USP12: variants seen among roughly 807,000 people sequenced by gnomAD.
USP12 encodes the protein ubiquitin specific peptidase 12, also known as ubiquitin carboxyl-terminal hydrolase 12.
Under a neutral mutation model 45.5 loss-of-function variants are expected in USP12, and 19 were observed. That is an observed-to-expected ratio of 0.42 (90% confidence interval 0.29 to 0.61). The LOEUF is 0.61. USP12 is among the 20% of genes least tolerant of loss of function. The pLI, the probability that USP12 is intolerant of heterozygous loss-of-function variation, is 0.22. For missense variants in USP12, 242 were observed against 447.7 expected, an observed-to-expected ratio of 0.54 and a Z score of 4.15; for synonymous variants, 149 against 148.8, an observed-to-expected ratio of 1.00 and a Z score of -0.01.
At chr13:27,086,185 A>ATATATATATATAT (rs1343835143) in intron 6 of USP12, among the ~76,000 whole-genome samples, 4 of 58,848 alleles carry the variant, frequency 6.8e-5, no homozygotes, top group Non-Finnish European at 1.1e-4. Flanking sequence ...AAAAAAAAAA[A>ATATATATATATAT]AAAAAAAAAA....
At chr13:27,070,853 T>C (rs764026298) in intron 8 of USP12, among the ~76,000 whole-genome samples, 12 of 152,186 alleles carry the variant, frequency 7.9e-5, no homozygotes, top group Non-Finnish European at 1.6e-4. Flanking sequence ...GCACCTGGCC[T>C]CCCTTGTTTT....
intron 1 of USP12, among the ~76,000 whole-genome samples, chr13:27,155,287 T>G (rs995641609): frequency 5.3e-5 from 8 of 151,900 alleles, no homozygotes; most frequent in African/African-American, 1.9e-4. Flanking sequence ...TTCACCATGT[T>G]GGCCAAGATG....
chr13:27,096,502 C>A (rs1198037441), intron 3 of USP12, among the ~76,000 whole-genome samples: 2 of 152,144 alleles, frequency 1.3e-5, no homozygotes, highest in Admixed American at 1.3e-4. Flanking sequence ...TAACATCAAG[C>A]GTGCTTTACC....
intron 3 of USP12, among the ~76,000 whole-genome samples, chr13:27,103,607 A>AAAAAAAAAAAATAAT (rs372985958): frequency 7.8e-6 from 1 of 128,508 alleles, no homozygotes; most frequent in African/African-American, 2.9e-5. Context: ...TCAAAAAAAA[A>AAAAAAAAAAAATAAT]AATAATAATA....
intron 1 of USP12, among the ~76,000 whole-genome samples, chr13:27,150,049 C>G (rs1156350593): frequency 4.6e-5 from 7 of 152,176 alleles, no homozygotes; most frequent in Admixed American, 4.6e-4. Flanking sequence ...CTATAATTAA[C>G]AACAATTTAT....
intron 3 of USP12, among the ~76,000 whole-genome samples, chr13:27,102,322 C>G (rs547809515): frequency 8.5e-5 from 13 of 152,320 alleles, no homozygotes; most frequent in African/African-American, 2.9e-4. Context: ...ACTCCATTTC[C>G]TACCTGGGTA....
intron 6 of USP12, among the ~76,000 whole-genome samples, chr13:27,078,951 T>G (rs1873620600): frequency 6.6e-6 from 1 of 151,400 alleles, no homozygotes; most frequent in South Asian, 2.1e-4. Context: ...AATAAAGAAG[T>G]CTCGATAAAT....
intron 1 of USP12, among the ~76,000 whole-genome samples, chr13:27,156,026 A>T (rs911765535): frequency 1.3e-5 from 2 of 152,226 alleles, no homozygotes; most frequent in Non-Finnish European, 2.9e-5. Flanking sequence ...CTAATGAAAC[A>T]CTGGATCTAG....
chr13:27,156,544 G>T (rs1172628199), intron 1 of USP12, among the ~76,000 whole-genome samples: 1 of 152,238 alleles, frequency 6.6e-6, no homozygotes, highest in Non-Finnish European at 1.5e-5. Context: ...GGCTGGGGGG[G>T]CAGTGGCTCA....
intron 1 of USP12, chr13:27,170,083 CCAAA>C (rs1223844826): frequency 1.6e-5 from 6 of 377,640 alleles, no homozygotes; most frequent in Non-Finnish European, 1.4e-5. Flanking sequence ...AATAATTAGC[CCAAA>C]CAATTCTCCA....
At chr13:27,132,656 C>G (rs1048438734) in intron 1 of USP12, among the ~76,000 whole-genome samples, 1 of 152,138 alleles carries the variant, frequency 6.6e-6, no homozygotes, top group Non-Finnish European at 1.5e-5. Flanking sequence ...CCTAAAAGAT[C>G]GTTGGTTTCA....
At chr13:27,089,816 AAGC>A in intron 6 of USP12, 64 bp downstream of exon 6, 2 of 1,496,222 alleles carry the variant, frequency 1.3e-6, no homozygotes, top group Non-Finnish European at 1.8e-6. Flanking sequence ...TTGTTTTTCT[AAGC>A]CCACCTCCAA....
intron 2 of USP12, among the ~76,000 whole-genome samples, chr13:27,115,306 T>C (rs1431876626): frequency 1.3e-5 from 2 of 152,136 alleles, no homozygotes; most frequent in Non-Finnish European, 2.9e-5. Context: ...AGAGGAGTAA[T>C]GAGTAGCCTG....
chr13:27,083,544 C>G (rs923130210), intron 6 of USP12, among the ~76,000 whole-genome samples: 37 of 152,286 alleles, frequency 2.4e-4, no homozygotes, highest in African/African-American at 8.2e-4. Flanking sequence ...CTCCTCTCAC[C>G]TATATGCTTT....
intron 7 of USP12, among the ~76,000 whole-genome samples, chr13:27,074,034 A>T (rs894983971): frequency 1.3e-5 from 2 of 152,316 alleles, no homozygotes; most frequent in African/African-American, 4.8e-5. Context: ...GACGGGACCC[A>T]AGGCTGACCC....
chr13:27,075,437 T>C, intron 6 of USP12, 49 bp from the exon 7 acceptor site: 1 of 1,493,828 alleles, frequency 6.7e-7, no homozygotes, highest in Non-Finnish European at 9.1e-7. Context: ...ATATCCACCA[T>C]GTCCTTGAAT....
At chr13:27,098,972 GT>G (rs1363649590) in intron 3 of USP12, among the ~76,000 whole-genome samples, 4 of 152,174 alleles carry the variant, frequency 2.6e-5, no homozygotes, top group Non-Finnish European at 5.9e-5. Context: ...AGTGGCTCAT[GT>G]CTGTAATCCC....
chr13:27,080,193 G>A (rs1327325447), intron 6 of USP12, among the ~76,000 whole-genome samples: 1 of 152,176 alleles, frequency 6.6e-6, no homozygotes, highest in Non-Finnish European at 1.5e-5. Context: ...ACAGATGGAA[G>A]GACCCACCCA....
intron 2 of USP12, among the ~76,000 whole-genome samples, chr13:27,109,912 C>CAGAAAAAAAAA (rs1875343384): frequency 9.2e-6 from 1 of 108,374 alleles, no homozygotes; most frequent in Non-Finnish European, 1.8e-5. Context: ...ACTCTGTCTC[C>CAGAAAAAAAAA]AAAAAAAAAA....
Sources: allele counts gnomAD v4.1 joint callset (sites outside exome capture counted in the v4.1 genomes callset), GRCh38; gene constraint gnomAD v4.1.1; transcripts MANE v1.5; gene names NCBI Gene and HGNC (gene_info 2026-07-23, HGNC 2026-07-21).